Variants in MYBPC1 observed in about 807,000 individuals in gnomAD.
MYBPC1 encodes myosin binding protein C1.
Under a neutral mutation model 147.1 loss-of-function variants are expected in MYBPC1, and 52 were observed. The observed-to-expected ratio is 0.35, with a 90% CI of 0.28 to 0.45. MYBPC1 has a LOEUF of 0.45. MYBPC1 is among the 20% of genes least tolerant of loss of function. The pLI is 1.00. For missense variants in MYBPC1, 1,228 were observed against 1,440.3 expected (o/e 0.85, Z 2.39); for synonymous variants, 477 against 475.9 (o/e 1.00, Z -0.03).
chr12:101,677,120 G>A (rs551775926), intron 26 of MYBPC1, 115 bp from the exon 27 acceptor site: 4 of 947,288 alleles, frequency 4.2e-6, no homozygotes, highest in South Asian at 3.0e-5. Context: ...AAAAATGAGT[G>A]GTCTTTTTTT....
chr12:101,633,105 T>C (rs866159777), intron 8 of MYBPC1, among the ~76,000 whole-genome samples: 11 of 152,224 alleles, frequency 7.2e-5, no homozygotes, highest in South Asian at 2.1e-4. Flanking sequence ...TACTTCTCTC[T>C]ACAACATGCT....
intron 1 of MYBPC1, among the ~76,000 whole-genome samples, chr12:101,614,258 A>G (rs1413204845): frequency 6.6e-6 from 1 of 152,126 alleles, no homozygotes; most frequent in Non-Finnish European, 1.5e-5. Flanking sequence ...GGAAATCTAT[A>G]TACCACACAT....
chr12:101,677,587 T>C (rs1322656590), intron 27 of MYBPC1, among the ~76,000 whole-genome samples, 193 bp downstream of exon 27: 5 of 152,222 alleles, frequency 3.3e-5, no homozygotes, highest in Non-Finnish European at 7.3e-5. Context: ...TATTGCATTT[T>C]TTACAAATAT....
In MYBPC1 at chr12:101,646,851, G is replaced by A. The variant is rs370213838; in HGVS notation, c.1054G>A (p.Gly352Ser). ...TGATTCAGAGTATTATGTGACAGCC[G>A]GTGATGAGAAATGTTCCACTGAGCT... ...TDDSEYYVTA[G>S]DEKCSTELFV... Residue 352 changes from glycine (G) to serine (S), a missense_variant, in exon 13 of 32, where the codon GGT (glycine) becomes AGT (serine). This residue lies in a region of MYBPC1 where 1,077 missense variants were observed against 1,314.2 expected (regional missense o/e 0.82). Transcript: ENST00000361466. 4.0e-5 allele frequency: 65 copies of A among 1,613,950 alleles called. No individual in the cohort carries two copies. Among genetic ancestry groups the A allele is most frequent in the Non-Finnish European group, 4.9e-5 (58 of 1,179,952 alleles).
intron 3 of MYBPC1, among the ~76,000 whole-genome samples, chr12:101,624,086 T>A (rs1593736973): frequency 6.6e-6 from 1 of 152,112 alleles, no homozygotes; most frequent in Non-Finnish European, 1.5e-5. Flanking sequence ...AGTAAACACA[T>A]AAACACAAAA....
At chr12:101,694,763 T>TA in the MYBPC1 span, among the ~76,000 whole-genome samples, 1 of 151,932 alleles carries the variant, frequency 6.6e-6, no homozygotes, top group Admixed American at 6.6e-5. Flanking sequence ...CATCTGCTTT[T>TA]TTTTTTCACT....
intron 18 of MYBPC1, among the ~76,000 whole-genome samples, chr12:101,656,785 A>G (rs528475037): frequency 6.6e-6 from 1 of 152,336 alleles, no homozygotes; most frequent in Admixed American, 6.5e-5. Flanking sequence ...AGAAATGGGC[A>G]GATTCAGCAG....
intron 18 of MYBPC1, among the ~76,000 whole-genome samples, chr12:101,657,761 C>T (rs1265828691): frequency 6.6e-6 from 1 of 152,138 alleles, no homozygotes; most frequent in African/African-American, 2.4e-5. Context: ...TTCTACCAAA[C>T]ATTTAAGAAA....
intron 3 of MYBPC1, among the ~76,000 whole-genome samples, chr12:101,625,743 T>C (rs554480142): frequency 5.9e-5 from 9 of 152,338 alleles, no homozygotes; most frequent in African/African-American, 2.2e-4. Flanking sequence ...ATCTGGTTAC[T>C]GTCCTGGGAA....
At chr12:101,598,987 T>C (rs1452816824) in intron 1 of MYBPC1, among the ~76,000 whole-genome samples, 1 of 152,236 alleles carries the variant, frequency 6.6e-6, no homozygotes, top group East Asian at 1.9e-4. Context: ...TCAGACCTTA[T>C]TATATTTAAT....
chr12:101,615,505 A>G (rs17031701), intron 2 of MYBPC1, among the ~76,000 whole-genome samples: 18,305 of 152,192 alleles, frequency 0.12, 1,250 homozygotes, highest in African/African-American at 0.16. Flanking sequence ...AGGTGCAAGC[A>G]TATTGTACCA....
chr12:101,684,156 T>C (rs565242407), intron 30 of MYBPC1, among the ~76,000 whole-genome samples: 1 of 152,292 alleles, frequency 6.6e-6, no homozygotes, highest in African/African-American at 2.4e-5. Context: ...TAGTTGTGCA[T>C]ATTAATAAAT....
At chr12:101,601,954 G>C (rs1249214176) in intron 1 of MYBPC1, among the ~76,000 whole-genome samples, 1 of 151,814 alleles carries the variant, frequency 6.6e-6, no homozygotes. Flanking sequence ...ATGTCTTTAG[G>C]GTTGTTATGC....
chr12:101,626,963 G>T (rs994199678), intron 4 of MYBPC1, 53 bp downstream of exon 4: 18 of 1,532,086 alleles, frequency 1.2e-5, no homozygotes, highest in Admixed American at 1.7e-5. Context: ...ATTCATTGAC[G>T]GTAGAGGAAA....
At chr12:101,600,803 C>A (rs1879608388) in intron 1 of MYBPC1, among the ~76,000 whole-genome samples, 1 of 152,072 alleles carries the variant, frequency 6.6e-6, no homozygotes, top group African/African-American at 2.4e-5. Flanking sequence ...TGTGGTAATT[C>A]TAAACTTCAT....
At chr12:101,610,301 T>G (rs2135734894) in intron 1 of MYBPC1, among the ~76,000 whole-genome samples, 1 of 152,328 alleles carries the variant, frequency 6.6e-6, no homozygotes. Flanking sequence ...TTATCTGCAG[T>G]GTAAAAACTA....
intron 29 of MYBPC1, among the ~76,000 whole-genome samples, chr12:101,681,577 T>C (rs1950965692): frequency 3.6e-5 from 1 of 27,506 alleles, no homozygotes. Context: ...TATATATATA[T>C]ATATATATAT....
chr12:101,666,689 T>A (rs1897485896), intron 22 of MYBPC1: 1 of 1,436,238 alleles, frequency 7.0e-7, no homozygotes, highest in Non-Finnish European at 9.8e-7. Context: ...GATACGATAT[T>A]ATTCTGGTGT....
At chr12:101,692,516 G>A in the MYBPC1 span, among the ~76,000 whole-genome samples, 2,072 of 152,256 alleles carry the variant, frequency 0.014, 50 homozygotes, top group African/African-American at 0.046. Flanking sequence ...GTAAGTTTTT[G>A]AACCTCACTG....
Sources: gnomAD v4.1 joint callset for allele counts (sites outside exome capture counted in the v4.1 genomes callset) on GRCh38, gnomAD v4.1.1 for gene constraint, gnomAD v4.1.1 regional missense constraint, MANE v1.5 for transcripts, NCBI Gene and HGNC (gene_info 2026-07-23, HGNC 2026-07-21) for gene names.